The following ZER1 variants were observed in gnomAD, a reference collection of about 807,000 sequenced individuals.
The protein encoded by ZER1 is zyg-11 related cell cycle regulator.
A neutral mutation model predicts 78.8 loss-of-function variants in ZER1; 11 were observed. That is an observed-to-expected ratio of 0.14 (90% CI 0.09 to 0.23). The LOEUF (loss-of-function observed/expected upper bound fraction) is 0.23, where lower values mean the gene tolerates loss of function less well. Among genes scored for constraint, ZER1 ranks in the 10% least tolerant of loss-of-function variants. The probability of loss-of-function intolerance (pLI) is 1.00; values close to 1 mark genes in which losing one functional copy is unlikely to be tolerated. For synonymous variants in ZER1, 400 were observed against 407.0 expected, an observed-to-expected ratio of 0.98 and a Z score of 0.21; for missense variants, 588 against 996.9, an observed-to-expected ratio of 0.59 and a Z score of 5.52.
Position 128,751,128 on chromosome 9 carries a change from G to A in ZER1, c.1179C>T (p.Ala393=). Residue 393 remains alanine (A), a synonymous_variant, in exon 7 of 16, where the codon GCC becomes GCT. Coordinates refer to ENST00000291900, the MANE Select transcript of ZER1 (RefSeq NM_006336.4). The surrounding 1 kb of genome is among the most constrained non-coding windows in gnomAD (Gnocchi z 5.4). Reference sequence around the variant, plus strand: ...CCCCAGGCTTGGAGCTGACCTTCAGGGCCCGCAGCAGCTGGTTGCAACGCT... The same window carrying A: ...CCCCAGGCTTGGAGCTGACCTTCAGAGCCCGCAGCAGCTGGTTGCAACGCT... The part of the protein sequence containing the change: ...RIERCNQLLR[A]LKLVITALKC... 1 of 1,591,750 alleles carries A rather than the reference G, an allele frequency of 6.3e-7. No individual in the cohort carries two copies. The highest frequency in any genetic ancestry group is 1.8e-4 in the Middle Eastern group (1 of 5,554).
Position 128,734,144 on chromosome 9 carries a change from A to AAAAAATATAT in ZER1, c.2141-617_2141-616insATATATTTTT. The stretch of plus-strand genomic sequence containing the variant: ...CTCCGTCTCAAAAAAAAAAAAAAAA[A>AAAAAATATAT]ATATATATATATATATATAAAATCT... On this transcript the variant is annotated intron_variant, in intron 14 of 15. Coordinates refer to ENST00000291900, the MANE Select transcript of ZER1 (RefSeq NM_006336.4). Among the ~76,000 whole-genome samples the AAAAAATATAT allele has an allele frequency of 3.4e-3, 49 of 14,438 alleles. 1 individual carries two copies. The highest frequency in any genetic ancestry group is 9.2e-3 in the African/African-American group (49 of 5,348). The allele number at this position is 14,438 out of a possible 152,430, so 9.5% of individuals were successfully genotyped here.
intron 13 of ZER1, among the ~76,000 whole-genome samples, chr9:128,739,120 G>A (rs943112111): frequency 6.6e-6 from 1 of 151,932 alleles, no homozygotes; most frequent in Non-Finnish European, 1.5e-5. Flanking sequence ...AAAGTGCTAT[G>A]ATTACAGGCG....
rs765271909 is a variant in ZER1, at chr9:128,740,394, A to G, written c.1854-275T>C. On this transcript the variant is annotated intron_variant, in intron 12 of 15. Transcript: ENST00000291900. The surrounding 1 kb of genome is among the most constrained non-coding windows in gnomAD (Gnocchi z 4.4). ...GGAGATCGAGACCATCCTGGCTAAC[A>G]TGGTGAAACCCCATCTCTACTAAAA... is the stretch of plus-strand genomic sequence containing the variant. Among the ~76,000 whole-genome samples, 64 of 152,024 alleles carry G rather than the reference A, an allele frequency of 4.2e-4. No individual in the cohort carries two copies. Among genetic ancestry groups the G allele is most frequent in the Non-Finnish European group, 8.4e-4 (57 of 67,998 alleles).
In ZER1 at chr9:128,753,711, TGC is replaced by T; in HGVS notation, c.309+96_309+97del. On this transcript the variant is annotated intron_variant, in intron 3 of 15. Coordinates refer to ENST00000291900, the MANE Select transcript of ZER1 (RefSeq NM_006336.4). The surrounding 1 kb of genome is among the most constrained non-coding windows in gnomAD (Gnocchi z 7.5). ...GAAAGGGGGATGTGCACAGTCACGG[TGC>T]ACACTGGCTGGGCTGGGGATGGCTG... The T allele has an allele frequency of 6.4e-7, 1 of 1,560,606 alleles. No individual in the cohort carries two copies.
At chr9:128,763,529 A>T (rs1864113147) in intron 1 of ZER1, among the ~76,000 whole-genome samples, 1 of 152,226 alleles carries the variant, frequency 6.6e-6, no homozygotes, top group South Asian at 2.1e-4. Context: ...GTCCTTGACC[A>T]CATGGAGCGT....
In ZER1 at chr9:128,753,457, G is replaced by T; in HGVS notation, c.453C>A (p.Gly151=). ...GGTTGACGAGGTACTCATCTTCACA[G>T]CCCCCTGGGTTCTCCTCCTCATAGA... ...NIFYEEENPG[G]CEDEYLVNPT... The change falls in exon 4 of 16, where the codon GGC becomes GGA. Residue 151 remains glycine (G), a synonymous_variant. Transcript: ENST00000291900. The surrounding 1 kb of genome is among the most constrained non-coding windows in gnomAD (Gnocchi z 7.5). 6.2e-7 allele frequency: 1 copy of T among 1,614,166 alleles called. No homozygotes were observed. The highest frequency in any genetic ancestry group is 2.2e-5 in the East Asian group (1 of 44,888).
At chr9:128,748,401 CAAAAA>C (rs34675316) in intron 8 of ZER1, among the ~76,000 whole-genome samples, 1 of 88,482 alleles carries the variant, frequency 1.1e-5, no homozygotes, top group Non-Finnish European at 2.3e-5. Context: ...GACTCTGTCT[CAAAAA>C]AAAAAAAAAA....
At chr9:128,763,600 G>T (rs1345975948) in intron 1 of ZER1, among the ~76,000 whole-genome samples, 1 of 152,236 alleles carries the variant, frequency 6.6e-6, no homozygotes, top group Admixed American at 6.5e-5. Context: ...CGCGTAACTG[G>T]GACCAGTGTC....
At chr9:128,733,336 T>A in intron 15 of ZER1, 90 bp downstream of exon 15, 1 of 1,096,896 alleles carries the variant, frequency 9.1e-7, no homozygotes, top group Non-Finnish European at 1.4e-6. Flanking sequence ...CCTGGGAATT[T>A]CAGCCATTCC....
intron 8 of ZER1, among the ~76,000 whole-genome samples, chr9:128,746,788 G>A (rs1220891936): frequency 6.6e-6 from 1 of 151,664 alleles, no homozygotes; most frequent in East Asian, 2.0e-4. Flanking sequence ...GGTGCCCACC[G>A]GCACACTCAG....
chr9:128,752,913 C>T (rs1228016466), intron 4 of ZER1, 64 bp from the exon 5 acceptor site: 19 of 1,550,244 alleles, frequency 1.2e-5, no homozygotes, highest in African/African-American at 2.7e-5. Flanking sequence ...CCTTGCAGAT[C>T]CCAGCTCCTT....
rs914269523 is a variant in ZER1 at position 128,751,212 on chromosome 9, C to A, written c.1095G>T (p.Glu365Asp). 2 of 1,609,398 alleles carry A rather than the reference C, an allele frequency of 1.2e-6. No individual in the cohort carries two copies. Among genetic ancestry groups the A allele is most frequent in the Non-Finnish European group, 1.7e-6 (2 of 1,176,104 alleles). Residue 365 changes from glutamate (E) to aspartate (D), a missense_variant, in exon 7 of 16, where the codon GAG becomes GAT. Coordinates refer to ENST00000291900, the MANE Select transcript of ZER1 (RefSeq NM_006336.4). The surrounding 1 kb of genome is among the most constrained non-coding windows in gnomAD (Gnocchi z 5.4). ...QVLNAIEAYT[E>D]HRPEITSRAI... ...CCCGCGAGGTGATCTCAGGCCGGTG[C>A]TCCGTGTAGGCCTCGATGGCATTCA...
chr9:128,766,888 T>C, intron 1 of ZER1, among the ~76,000 whole-genome samples: 1 of 149,678 alleles, frequency 6.7e-6, no homozygotes, highest in Admixed American at 6.7e-5. Flanking sequence ...TGTCCAGCTT[T>C]CCAAGCAGTT....
At chr9:128,757,074 TGATA>T (rs1443737251) in intron 1 of ZER1, among the ~76,000 whole-genome samples, 1 of 152,092 alleles carries the variant, frequency 6.6e-6, no homozygotes, top group Admixed American at 6.5e-5. Flanking sequence ...TTGAGATAGA[TGATA>T]GATATAAATG....
Position 128,731,167 on chromosome 9 carries a change from A to C in ZER1, c.*170T>G. 4.0e-6 allele frequency: 1 copy of C among 252,976 alleles called. No homozygotes were observed. Among genetic ancestry groups the C allele is most frequent in the Non-Finnish European group, 7.2e-6 (1 of 138,070 alleles). 15.7% of individuals were successfully genotyped at this position (252,976 alleles called of 1,614,324 possible). A position where few individuals can be genotyped will look rare whatever the true frequency, so the allele number is the denominator to read the frequency against. On this transcript the variant is annotated 3_prime_UTR_variant, in exon 16 of 16. Transcript: ENST00000291900. Reference sequence around the variant, plus strand: ...CAAAAAAAAAATATATATATATAATATATATATATCTCACTAACATTAAGG... The same window carrying C: ...CAAAAAAAAAATATATATATATAATCTATATATATCTCACTAACATTAAGG...
rs183534972 is a variant in ZER1 at position 128,731,311 on chromosome 9, G to A, written c.*26C>T. On this transcript the variant is annotated 3_prime_UTR_variant, in exon 16 of 16. Transcript: ENST00000291900. ...TTCCTCCCCGCCTGTGGTCCAGAGCGGTGGCGGCCATGGGGACGGAGGCCT... is the reference window on the plus strand; with the variant it reads ...TTCCTCCCCGCCTGTGGTCCAGAGCAGTGGCGGCCATGGGGACGGAGGCCT... The A allele has an allele frequency of 2.1e-4, 341 of 1,611,008 alleles. 1 individual carries two copies. The highest frequency in any genetic ancestry group is 2.8e-4 in the Non-Finnish European group (325 of 1,178,400).
At chr9:128,765,557 G>A (rs1864181676) in intron 1 of ZER1, among the ~76,000 whole-genome samples, 1 of 152,130 alleles carries the variant, frequency 6.6e-6, no homozygotes, top group Non-Finnish European at 1.5e-5. Flanking sequence ...ACTGAAGTCT[G>A]GAGGTGGGAG....
At chr9:128,748,679 C>T (rs563563646) in intron 8 of ZER1, among the ~76,000 whole-genome samples, 1 of 152,006 alleles carries the variant, frequency 6.6e-6, no homozygotes, top group South Asian at 2.1e-4. Context: ...TCCAGCAATT[C>T]TCCTGCCTCA....
chr9:128,763,565 A>G (rs1349380530), intron 1 of ZER1, among the ~76,000 whole-genome samples: 3 of 152,186 alleles, frequency 2.0e-5, no homozygotes, highest in Non-Finnish European at 2.9e-5. Flanking sequence ...AGACAGATCC[A>G]CCTACAGGGC....
Sources: gnomAD v4.1 joint callset for allele counts (sites outside exome capture counted in the v4.1 genomes callset) on GRCh38, gnomAD v4.1.1 for gene constraint, Gnocchi (gnomAD v3.1) non-coding constraint, MANE v1.5 for transcripts, NCBI Gene and HGNC (gene_info 2026-07-23, HGNC 2026-07-21) for gene names.